Variants in CEP41 observed in about 807,000 individuals in gnomAD.
CEP41 encodes the protein centrosomal protein 41.
A neutral mutation model predicts 44.3 loss-of-function variants in CEP41; 32 were observed. The observed-to-expected ratio is 0.72, with a 90% CI of 0.54 to 0.97. The LOEUF is 0.97. Ranked by LOEUF, CEP41 falls within the 50% of genes least tolerant of loss-of-function variation. The pLI is 0.00. For synonymous variants in CEP41, 151 were observed against 168.5 expected, an observed-to-expected ratio of 0.90 and a Z score of 0.80; for missense variants, 432 against 455.2, an observed-to-expected ratio of 0.95 and a Z score of 0.46.
At chr7:130,403,418 A>G (rs1554417473) in intron 6 of CEP41, among the ~76,000 whole-genome samples, 1 of 152,142 alleles carries the variant, frequency 6.6e-6, no homozygotes, top group Non-Finnish European at 1.5e-5. Context: ...TAAAATGAGG[A>G]AGCTAACCAC....
At chr7:130,437,803 AAG>A (rs1554426551) in intron 1 of CEP41, among the ~76,000 whole-genome samples, 64 of 146,516 alleles carry the variant, frequency 4.4e-4, no homozygotes, top group Non-Finnish European at 5.9e-4. Context: ...AAGAAAAAAA[AAG>A]ATGTTGATGA....
At chr7:130,406,968 TAAAAA>T (rs1211691439) in intron 5 of CEP41, among the ~76,000 whole-genome samples, 6 of 150,538 alleles carry the variant, frequency 4.0e-5, no homozygotes, top group African/African-American at 7.3e-5. Context: ...TAAAGTATAA[TAAAAA>T]AAAGTATATA....
intron 1 of CEP41, among the ~76,000 whole-genome samples, chr7:130,435,589 T>C (rs1797939316): frequency 6.6e-6 from 1 of 152,158 alleles, no homozygotes; most frequent in African/African-American, 2.4e-5. Flanking sequence ...TTGACAGTGT[T>C]GAACGTTGCC....
chr7:130,430,754 G>C (rs1554424918), intron 1 of CEP41, among the ~76,000 whole-genome samples: 1 of 152,004 alleles, frequency 6.6e-6, no homozygotes, highest in Non-Finnish European at 1.5e-5. Flanking sequence ...TCTGCACTCT[G>C]TATTTTTTTT....
chr7:130,416,207 C>T (rs1171862355), intron 3 of CEP41, among the ~76,000 whole-genome samples: 2 of 152,196 alleles, frequency 1.3e-5, no homozygotes, highest in Non-Finnish European at 2.9e-5. Flanking sequence ...CTAAATATCC[C>T]CTAGCACTGG....
At chr7:130,435,573 A>G (rs1365191095) in intron 1 of CEP41, among the ~76,000 whole-genome samples, 2 of 152,224 alleles carry the variant, frequency 1.3e-5, no homozygotes, top group Non-Finnish European at 2.9e-5. Context: ...ATTAAAATAA[A>G]AAATATTGAC....
chr7:130,423,699 G>T (rs1158572085), intron 2 of CEP41, among the ~76,000 whole-genome samples: 1 of 152,226 alleles, frequency 6.6e-6, no homozygotes, highest in Non-Finnish European at 1.5e-5. Flanking sequence ...TCCAGTAAGT[G>T]TAAACAACCC....
At position 130,427,828 on chromosome 7, in the gene CEP41, G is replaced by C. The variant is rs958477751; in HGVS notation, c.97+127C>G. On this transcript the variant is annotated intron_variant, in intron 2 of 10. Coordinates refer to ENST00000223208, the MANE Select transcript of CEP41 (RefSeq NM_018718.3). ...ATCTTTCAAGGATAAATCCTGAGCCGAGAAAGACATCAGGCAAAACAGTGA... is the reference window on the plus strand; with the variant it reads ...ATCTTTCAAGGATAAATCCTGAGCCCAGAAAGACATCAGGCAAAACAGTGA... 6.0e-6 allele frequency: 4 copies of C among 665,386 alleles called. No homozygotes were observed. In the African/African-American group the frequency reaches 7.3e-5, roughly 12 times the overall value. The allele number at this position is 665,386 out of a possible 1,614,324, so 41.2% of individuals were successfully genotyped here. A position where few individuals can be genotyped will look rare whatever the true frequency, so the allele number is the denominator to read the frequency against.
At chr7:130,417,581 C>T (rs1457678797) in intron 2 of CEP41, among the ~76,000 whole-genome samples, 1 of 152,152 alleles carries the variant, frequency 6.6e-6, no homozygotes, top group Non-Finnish European at 1.5e-5. Context: ...GGCCCCAGCC[C>T]TCATGTTTTA....
chr7:130,441,005 C>T lies in CEP41; in HGVS notation c.-39G>A, dbSNP rs782271688. On this transcript the variant is annotated 5_prime_UTR_variant, in exon 1 of 11. In the 5' UTR this introduces an upstream ATG that the reference lacks. Transcript: ENST00000223208. ...GACCACGTTCGGGGTTCTAGCCTCA[C>T]GGGTTGCCTCTAACCCTAGCTTCCT... 7 of 1,609,298 alleles carry T rather than the reference C, an allele frequency of 4.3e-6. No homozygotes were observed. In the South Asian group the frequency reaches 6.6e-5, roughly 15 times the overall value.
Position 130,421,930 on chromosome 7 carries a change from AG to A in CEP41, c.98-4965del, listed in dbSNP as rs1797521269. 2.6e-6 allele frequency: 4 copies of A among 1,535,316 alleles called. No individual in the cohort carries two copies. The East Asian group carries it at 7.3e-5, about 28-fold the overall frequency. ...GGTGGTGACTGAACAAAACGCAGCC[AG>A]GGATTTCATCAGAAGCATAATCCAT... On this transcript the variant is annotated intron_variant, in intron 2 of 10. Coordinates refer to ENST00000223208, the MANE Select transcript of CEP41 (RefSeq NM_018718.3).
At chr7:130,432,289 C>T (rs1004915118) in intron 1 of CEP41, among the ~76,000 whole-genome samples, 4 of 151,980 alleles carry the variant, frequency 2.6e-5, no homozygotes, top group Non-Finnish European at 5.9e-5. Flanking sequence ...AGGAAGAGAC[C>T]GTTTCAAGAA....
chr7:130,429,183 C>T (rs532330992), intron 1 of CEP41, among the ~76,000 whole-genome samples: 57 of 152,166 alleles, frequency 3.7e-4, no homozygotes, highest in Non-Finnish European at 6.5e-4. Flanking sequence ...CACAGTGCTC[C>T]AGATGTGGGC....
intron 2 of CEP41, among the ~76,000 whole-genome samples, chr7:130,425,120 G>A (rs1797622547): frequency 6.6e-6 from 1 of 152,128 alleles, no homozygotes. Flanking sequence ...ATTACCACAG[G>A]AAAATGCAAA....
At position 130,440,905 on chromosome 7, in the gene CEP41, C is replaced by T. The variant is rs782796131; in HGVS notation, c.33+29G>A. 5.6e-6 allele frequency: 9 copies of T among 1,609,322 alleles called. 1 individual carries two copies. The South Asian group carries it at 8.8e-5, about 16-fold the overall frequency. On this transcript the variant is annotated intron_variant, in intron 1 of 10. Coordinates refer to ENST00000223208, the MANE Select transcript of CEP41 (RefSeq NM_018718.3). ...CCTTTTCCGGTGCGCCCGCCCCCTC[C>T]GGCTCTCCGGCCGAGACCTGGCCCT...
At chr7:130,400,288 T>C in intron 9 of CEP41, 34 bp from the exon 10 acceptor site, 1 of 1,526,242 alleles carries the variant, frequency 6.6e-7, no homozygotes, top group Non-Finnish European at 9.1e-7. Flanking sequence ...AAAGCTGCAT[T>C]AATATGGCAA....
chr7:130,399,965 G>C, intron 10 of CEP41, 74 bp downstream of exon 10: 1 of 1,036,734 alleles, frequency 9.6e-7, no homozygotes, highest in Non-Finnish European at 1.5e-6. Flanking sequence ...TATAAGAGAT[G>C]AAGGTTTTCA....
intron 1 of CEP41, 157 bp downstream of exon 1, chr7:130,440,776 AG>A: frequency 1.9e-5 from 11 of 567,122 alleles, no homozygotes; most frequent in East Asian, 3.8e-5. Context: ...GCGGCCCCCA[AG>A]CCCGGCCCGC....
intron 1 of CEP41, among the ~76,000 whole-genome samples, chr7:130,430,754 GTATT>G (rs1432799772): frequency 4.6e-5 from 7 of 152,004 alleles, no homozygotes; most frequent in Non-Finnish European, 1.0e-4. Flanking sequence ...TCTGCACTCT[GTATT>G]TTTTTTATCG....
Sources: gnomAD v4.1 joint callset for allele counts (sites outside exome capture counted in the v4.1 genomes callset) on GRCh38, gnomAD v4.1.1 for gene constraint, MANE v1.5 for transcripts, NCBI Gene and HGNC (gene_info 2026-07-23, HGNC 2026-07-21) for gene names.